Variants in ZBTB43 observed in about 807,000 individuals in gnomAD.
ZBTB43 encodes the protein zinc finger and BTB domain containing 43, also known as zinc finger and BTB domain-containing protein 43.
ZBTB43 carries 6 observed loss-of-function variants against 31.1 expected under a neutral mutation model. The ratio of observed to expected loss-of-function variants is 0.19; its 90% confidence interval spans 0.11 to 0.38. The LOEUF (loss-of-function observed/expected upper bound fraction) is 0.38. ZBTB43 is among the 10% of genes least tolerant of loss of function. The pLI is 1.00. For missense variants in ZBTB43, 379 were observed against 602.1 expected (o/e 0.63, Z 3.88); for synonymous variants, 212 against 221.7 (o/e 0.96, Z 0.39).
chr9:126,819,846 C>T (rs1204524304), intron 2 of ZBTB43, among the ~76,000 whole-genome samples: 1 of 152,220 alleles, frequency 6.6e-6, no homozygotes, highest in Non-Finnish European at 1.5e-5. Context: ...GAAAGTGCTA[C>T]TCTAATGAAC....
At chr9:126,815,211 A>T (rs1029018524) in intron 2 of ZBTB43, among the ~76,000 whole-genome samples, 3 of 145,498 alleles carry the variant, frequency 2.1e-5, no homozygotes, top group Admixed American at 1.4e-4. Flanking sequence ...TCAATATATA[A>T]AACTATATAT....
At chr9:126,804,801 G>T (rs1055881792), upstream of ZBTB43, among the ~76,000 whole-genome samples, 10 of 152,082 alleles carry the variant, frequency 6.6e-5, no homozygotes, top group African/African-American at 2.4e-4. Flanking sequence ...AAGGTTTCAA[G>T]AAGGTTTAGA....
Position 126,833,350 on chromosome 9 carries a change from A to G in ZBTB43, c.841A>G (p.Thr281Ala). The G allele has an allele frequency of 6.2e-7, 1 of 1,613,186 alleles. No individual in the cohort carries two copies. Among genetic ancestry groups the G allele is most frequent in the Non-Finnish European group, 8.5e-7 (1 of 1,179,572 alleles). Residue 281 changes from threonine to alanine, a missense_variant, in exon 3 of 3, where the codon ACG becomes GCG. Around this residue, in one of 5 missense-constraint regions of ZBTB43, gnomAD observed 253 missense variants for 322.3 expected, o/e 0.79. Coordinates refer to ENST00000373464, the MANE Select transcript of ZBTB43 (RefSeq NM_014007.4). This position sits in a 1 kb window ranked among gnomAD's most constrained non-coding sequence, Gnocchi z 7.9. ...CATCAACACCGTGCAGACAGAGCACACGGTGCAGCCTTCGGGAGTGGAGGA... is the reference window on the plus strand; with the variant it reads ...CATCAACACCGTGCAGACAGAGCACGCGGTGCAGCCTTCGGGAGTGGAGGA... ...ESINTVQTEHTVQPSGVEEDF... is the reference protein window; with the variant it reads ...ESINTVQTEHAVQPSGVEEDF...
chr9:126,822,343 A>G (rs748060524), intron 2 of ZBTB43, among the ~76,000 whole-genome samples: 12 of 152,312 alleles, frequency 7.9e-5, no homozygotes, highest in South Asian at 4.1e-4. Flanking sequence ...AAATGTTGTG[A>G]AAGAAGTTCT....
intron 2 of ZBTB43, among the ~76,000 whole-genome samples, chr9:126,811,217 CAAA>C (rs370772691): frequency 6.9e-5 from 6 of 86,640 alleles, no homozygotes; most frequent in Admixed American, 2.7e-4. Context: ...GACTCCATCT[CAAA>C]AAAAAAAAAA....
rs1191672245 is a variant in ZBTB43, at chr9:126,833,571, A to C, written c.1062A>C (p.Val354=). ...GTTACAGTGAGAATATTGAAATGGTAACAGGGATTAAAGAAGAAGCTTCCC... is the reference window on the plus strand; with the variant it reads ...GTTACAGTGAGAATATTGAAATGGTCACAGGGATTAAAGAAGAAGCTTCCC... ...AAGYSENIEM[V]TGIKEEASHL... Residue 354 remains valine, a synonymous_variant, in exon 3 of 3, where the codon GTA becomes GTC. Coordinates refer to ENST00000373464, the MANE Select transcript of ZBTB43 (RefSeq NM_014007.4). This position sits in a 1 kb window ranked among gnomAD's most constrained non-coding sequence, Gnocchi z 7.9. 1 of 1,614,142 alleles carries C rather than the reference A, an allele frequency of 6.2e-7. No homozygotes were observed. Among genetic ancestry groups the C allele is most frequent in the African/African-American group, 1.3e-5 (1 of 75,068 alleles).
chr9:126,823,685 T>A (rs1251430750), intron 2 of ZBTB43, among the ~76,000 whole-genome samples: 1 of 152,116 alleles, frequency 6.6e-6, no homozygotes, highest in Non-Finnish European at 1.5e-5. Flanking sequence ...ATTGCCCCCA[T>A]CCTACTTTTT....
At chr9:126,815,568 C>CT (rs1050815262) in intron 2 of ZBTB43, among the ~76,000 whole-genome samples, 44 of 149,578 alleles carry the variant, frequency 2.9e-4, no homozygotes, top group African/African-American at 1.0e-3. Context: ...CACTAATGTT[C>CT]TGCAGTGTCA....
intron 1 of ZBTB43, among the ~76,000 whole-genome samples, chr9:126,806,702 C>T (rs1286482302): frequency 6.6e-6 from 1 of 152,120 alleles, no homozygotes; most frequent in Non-Finnish European, 1.5e-5. Context: ...CCAATAAGCT[C>T]CTTTTACATG....
chr9:126,819,494 T>C (rs1465900218), intron 2 of ZBTB43, among the ~76,000 whole-genome samples: 98 of 152,122 alleles, frequency 6.4e-4, no homozygotes, highest in Non-Finnish European at 2.9e-5. Context: ...TGTAATTGTT[T>C]TGAGGCACCA....
At chr9:126,807,510 TA>T (rs1218388883) in intron 1 of ZBTB43, among the ~76,000 whole-genome samples, 1 of 152,244 alleles carries the variant, frequency 6.6e-6, no homozygotes, top group Non-Finnish European at 1.5e-5. Flanking sequence ...CAGTGACAGC[TA>T]TTAAAACTGC....
chr9:126,822,102 C>T (rs1463692222), intron 2 of ZBTB43, among the ~76,000 whole-genome samples: 12 of 152,118 alleles, frequency 7.9e-5, no homozygotes, highest in African/African-American at 2.7e-4. Flanking sequence ...GGTGCTCGCC[C>T]GCCTGGGCCT....
At chr9:126,821,440 C>T (rs1350835994) in intron 2 of ZBTB43, among the ~76,000 whole-genome samples, 4 of 152,068 alleles carry the variant, frequency 2.6e-5, no homozygotes, top group Admixed American at 6.6e-5. Flanking sequence ...TTCTAGATGC[C>T]GTTAAGAACA....
At chr9:126,819,062 T>C (rs1364897590) in intron 2 of ZBTB43, among the ~76,000 whole-genome samples, 1 of 152,188 alleles carries the variant, frequency 6.6e-6, no homozygotes, top group East Asian at 1.9e-4. Context: ...TTCCACATAT[T>C]TATTAGTTTT....
intron 2 of ZBTB43, among the ~76,000 whole-genome samples, chr9:126,819,957 G>C (rs759821096): frequency 6.6e-6 from 1 of 152,160 alleles, no homozygotes; most frequent in African/African-American, 2.4e-5. Context: ...AGCCAAAGCC[G>C]TCAGAAGAAG....
At position 126,833,916 on chromosome 9, in the gene ZBTB43, A is replaced by T; in HGVS notation, c.*3A>T. 2 of 1,572,876 alleles carry T rather than the reference A, an allele frequency of 1.3e-6. No individual in the cohort carries two copies. Among genetic ancestry groups the T allele is most frequent in the East Asian group, 4.6e-5 (2 of 43,896 alleles). Reference sequence around the variant, plus strand: ...AGAATACAACTGAGGCTAACTAAAAATAGGATCTGGCCCTTGAGTGGCATG... The same window carrying T: ...AGAATACAACTGAGGCTAACTAAAATTAGGATCTGGCCCTTGAGTGGCATG... On this transcript the variant is annotated 3_prime_UTR_variant, in exon 3 of 3. Coordinates refer to ENST00000373464, the MANE Select transcript of ZBTB43 (RefSeq NM_014007.4). The surrounding 1 kb of genome is among the most constrained non-coding windows in gnomAD (Gnocchi z 7.9).
Position 126,833,253 on chromosome 9 carries a change from C to T in ZBTB43, c.744C>T (p.Pro248=), listed in dbSNP as rs1249449424. 1.4e-5 allele frequency: 23 copies of T among 1,613,636 alleles called. 1 individual carries two copies. The Middle Eastern group carries it at 8.2e-4, about 58-fold the overall frequency. The change falls in exon 3 of 3, where the codon CCC becomes CCT. Residue 248 remains proline, a synonymous_variant. Transcript: ENST00000373464. This position sits in a 1 kb window ranked among gnomAD's most constrained non-coding sequence, Gnocchi z 7.9. ...MAHKRWIHVK[P]ERLEQACEGM... ...ACAAACGCTGGATCCACGTGAAGCCCGAGCGCTTAGAACAGGCTTGCGAGG... is the reference window on the plus strand; with the variant it reads ...ACAAACGCTGGATCCACGTGAAGCCTGAGCGCTTAGAACAGGCTTGCGAGG...
chr9:126,821,432 C>T (rs1023925557), intron 2 of ZBTB43, among the ~76,000 whole-genome samples: 10 of 152,104 alleles, frequency 6.6e-5, no homozygotes, highest in African/African-American at 2.2e-4. Flanking sequence ...ATTCACTATT[C>T]TAGATGCCGT....
At chr9:126,816,194 TCTC>T (rs2032382195) in intron 2 of ZBTB43, among the ~76,000 whole-genome samples, 1 of 152,216 alleles carries the variant, frequency 6.6e-6, no homozygotes, top group Non-Finnish European at 1.5e-5. Context: ...TCTTCTCTGT[TCTC>T]CTGCTTTATC....
Sources: gnomAD v4.1 joint callset for allele counts (sites outside exome capture counted in the v4.1 genomes callset) on GRCh38, gnomAD v4.1.1 for gene constraint, gnomAD v4.1.1 regional missense constraint, Gnocchi (gnomAD v3.1) non-coding constraint, MANE v1.5 for transcripts, NCBI Gene and HGNC (gene_info 2026-07-23, HGNC 2026-07-21) for gene names.